The following ARL15 variants were observed in gnomAD, a reference collection of about 807,000 sequenced individuals.
ARL15 encodes ADP-ribosylation factor-like protein 15.
A neutral mutation model predicts 25.2 loss-of-function variants in ARL15; 19 were observed. The observed-to-expected ratio is 0.75, with a 90% CI of 0.53 to 1.10. The LOEUF is 1.10. Ranked by LOEUF, ARL15 falls within the 50% of genes least tolerant of loss-of-function variation. The probability of loss-of-function intolerance (pLI) is 0.00; values close to 1 mark genes in which losing one functional copy is unlikely to be tolerated. For missense variants in ARL15, 220 were observed against 246.0 expected (o/e 0.89, Z 0.71); for synonymous variants, 94 against 86.8 (o/e 1.08, Z -0.46).
intron 3 of ARL15, among the ~76,000 whole-genome samples, chr5:54,114,406 G>GGAAAAAA (rs1342951039): frequency 1.3e-5 from 1 of 74,474 alleles, no homozygotes; most frequent in African/African-American, 5.7e-5. Context: ...TCCATCTCAA[G>GGAAAAAA]AAAAAAAAAA....
chr5:54,227,223 T>C (rs1756549603), intron 1 of ARL15, among the ~76,000 whole-genome samples: 1 of 152,178 alleles, frequency 6.6e-6, no homozygotes, highest in Non-Finnish European at 1.5e-5. Context: ...GGCCAAGTTG[T>C]CTGAGCTCAC....
At chr5:54,054,385 G>A (rs1750795961) in intron 4 of ARL15, among the ~76,000 whole-genome samples, 1 of 152,024 alleles carries the variant, frequency 6.6e-6, no homozygotes, top group South Asian at 2.1e-4. Flanking sequence ...GAAAAATCTG[G>A]AAACAAAGCA....
chr5:54,117,716 T>C (rs1752948442), intron 3 of ARL15, among the ~76,000 whole-genome samples: 1 of 152,044 alleles, frequency 6.6e-6, no homozygotes, highest in Admixed American at 6.6e-5. Flanking sequence ...CACAACTCCA[T>C]TTTTACTTGA....
intron 1 of ARL15, among the ~76,000 whole-genome samples, chr5:54,244,101 G>A (rs1757025913): frequency 6.6e-6 from 1 of 152,056 alleles, no homozygotes; most frequent in African/African-American, 2.4e-5. Flanking sequence ...TAATATGAAC[G>A]TTTCCTTCAG....
intron 2 of ARL15, among the ~76,000 whole-genome samples, chr5:54,170,660 A>G (rs1435405306): frequency 1.3e-5 from 2 of 152,126 alleles, no homozygotes; most frequent in Admixed American, 1.3e-4. Flanking sequence ...TTCTTGTACC[A>G]GACCTACTTA....
rs1744465909 is a variant in ARL15, at chr5:53,884,834, A to T, written c.*1727T>A. 1.3e-5 allele frequency: 2 copies of T among 152,638 alleles called. No homozygotes were observed. Among genetic ancestry groups the T allele is most frequent in the Non-Finnish European group, 2.9e-5 (2 of 68,042 alleles). The allele number at this position is 152,638 out of a possible 1,614,324, so 9.5% of individuals were successfully genotyped here. A position where few individuals can be genotyped will look rare whatever the true frequency, so the allele number is the denominator to read the frequency against. On this transcript the variant is annotated 3_prime_UTR_variant, in exon 5 of 5. Coordinates refer to ENST00000504924, the MANE Select transcript of ARL15 (RefSeq NM_019087.3). Reference sequence around the variant, plus strand: ...GAAGATGAGCACAACAGGACAAAATAAAAACAGGAATTGTGTAACTGGTCA... The same window carrying T: ...GAAGATGAGCACAACAGGACAAAATTAAAACAGGAATTGTGTAACTGGTCA...
intron 4 of ARL15, among the ~76,000 whole-genome samples, chr5:53,949,281 C>G (rs1746863933): frequency 1.3e-5 from 2 of 152,034 alleles, no homozygotes; most frequent in African/African-American, 4.8e-5. Context: ...TACTCAATAG[C>G]TAGAGTATTC....
chr5:54,065,624 C>G (rs957831900), intron 4 of ARL15, among the ~76,000 whole-genome samples: 1 of 138,512 alleles, frequency 7.2e-6, no homozygotes, highest in Non-Finnish European at 1.5e-5. Flanking sequence ...GCCGAGATCA[C>G]GCCACTGCAC....
intron 4 of ARL15, among the ~76,000 whole-genome samples, chr5:53,890,324 TA>T (rs1383610672): frequency 4.0e-5 from 6 of 149,452 alleles, no homozygotes; most frequent in East Asian, 1.9e-4. Context: ...TTTTAAGGTT[TA>T]AAAAAAAAAC....
At chr5:54,201,377 G>A (rs1009697632) in intron 1 of ARL15, among the ~76,000 whole-genome samples, 1 of 152,084 alleles carries the variant, frequency 6.6e-6, no homozygotes, top group Non-Finnish European at 1.5e-5. Flanking sequence ...TTCTTTCCTT[G>A]GTCAAACTTC....
Position 54,252,255 on chromosome 5 carries a change from A to G in ARL15, c.48+58177T>C, listed in dbSNP as rs114923330. On this transcript the variant is annotated intron_variant, in intron 1 of 4. Coordinates refer to ENST00000504924, the MANE Select transcript of ARL15 (RefSeq NM_019087.3). The stretch of plus-strand genomic sequence containing the variant: ...ATCACTCCAGGCAAAAGGAATGTTG[A>G]TCTAGTAGTTAAGGTAAATTTTCTT... Among the ~76,000 whole-genome samples the G allele has an allele frequency of 6.7e-3, 1,027 of 152,316 alleles. 13 individuals carry two copies. The highest frequency in any genetic ancestry group is 0.023 in the African/African-American group (943 of 41,568).
intron 4 of ARL15, among the ~76,000 whole-genome samples, chr5:54,106,259 T>G (rs1403993450): frequency 1.3e-5 from 2 of 152,112 alleles, no homozygotes; most frequent in Non-Finnish European, 2.9e-5. Context: ...TATTAACAGG[T>G]CAGGTTTGGT....
At chr5:54,055,781 C>T (rs560062002) in intron 4 of ARL15, among the ~76,000 whole-genome samples, 5 of 152,222 alleles carry the variant, frequency 3.3e-5, no homozygotes, top group Non-Finnish European at 4.4e-5. Flanking sequence ...CCCTTCAATG[C>T]CCAGATCAGA....
chr5:54,291,947 C>T (rs1478693144), intron 1 of ARL15, among the ~76,000 whole-genome samples: 1 of 152,188 alleles, frequency 6.6e-6, no homozygotes, highest in African/African-American at 2.4e-5. Flanking sequence ...CATCTGATAC[C>T]CCAACCTCTG....
At chr5:54,169,144 A>G (rs999369324) in intron 2 of ARL15, among the ~76,000 whole-genome samples, 2 of 152,208 alleles carry the variant, frequency 1.3e-5, no homozygotes, top group African/African-American at 4.8e-5. Context: ...AACACAAAAC[A>G]TAACTTACAA....
rs1161518704 is a variant in ARL15 at position 53,884,005 on chromosome 5, A to T, written c.*2556T>A. 1.3e-5 allele frequency: 2 copies of T among 152,178 alleles called. No individual in the cohort carries two copies. Among genetic ancestry groups the T allele is most frequent in the Non-Finnish European group, 2.9e-5 (2 of 68,028 alleles). 9.4% of individuals were successfully genotyped at this position (152,178 alleles called of 1,614,324 possible). A position where few individuals can be genotyped will look rare whatever the true frequency, so the allele number is the denominator to read the frequency against. On this transcript the variant is annotated 3_prime_UTR_variant, in exon 5 of 5. Transcript: ENST00000504924. Reference sequence around the variant, plus strand: ...GGAAATCGTAGAAATCATGGACAATACAAGTTGGTCTTGCCTGGTAAATGT... The same window carrying T: ...GGAAATCGTAGAAATCATGGACAATTCAAGTTGGTCTTGCCTGGTAAATGT...
At chr5:53,993,934 T>C (rs1237396537) in intron 4 of ARL15, among the ~76,000 whole-genome samples, 1 of 152,202 alleles carries the variant, frequency 6.6e-6, no homozygotes, top group Non-Finnish European at 1.5e-5. Flanking sequence ...TGTATTAAAA[T>C]GAACTCCATT....
At chr5:54,292,775 T>A (rs567582589) in intron 1 of ARL15, among the ~76,000 whole-genome samples, 1 of 152,068 alleles carries the variant, frequency 6.6e-6, no homozygotes, top group East Asian at 1.9e-4. Flanking sequence ...CGCTCACAAT[T>A]AGAGCAACGT....
At chr5:54,028,362 C>A (rs1012828960) in intron 4 of ARL15, among the ~76,000 whole-genome samples, 174 of 152,090 alleles carry the variant, frequency 1.1e-3, no homozygotes, top group African/African-American at 4.1e-3. Context: ...ATAGTCCTTT[C>A]TTAATACAAA....
Sources: gnomAD v4.1 joint callset for allele counts (sites outside exome capture counted in the v4.1 genomes callset) on GRCh38, gnomAD v4.1.1 for gene constraint, MANE v1.5 for transcripts, NCBI Gene and HGNC (gene_info 2026-07-23, HGNC 2026-07-21) for gene names.